FRMD4A: variants seen among roughly 807,000 people sequenced by gnomAD.
FRMD4A encodes FERM domain-containing protein 4A.
FRMD4A carries 29 observed loss-of-function variants against 129.1 expected under a neutral mutation model. The observed-to-expected ratio is 0.22, with a 90% CI of 0.17 to 0.31. The LOEUF is 0.31. Ranked by LOEUF, FRMD4A falls within the 10% of genes least tolerant of loss-of-function variation. FRMD4A has a pLI of 1.00. For missense variants in FRMD4A, 1,272 were observed against 1,375.8 expected (o/e 0.92, Z 1.19); for synonymous variants, 634 against 571.6 (o/e 1.11, Z -1.56).
chr10:14,030,298 T>C (rs950032180), intron 2 of FRMD4A, among the ~76,000 whole-genome samples: 1 of 152,126 alleles, frequency 6.6e-6, no homozygotes, highest in African/African-American at 2.4e-5. Flanking sequence ...AAAAAGAAAA[T>C]GGCAACTATA....
At chr10:13,922,270 T>C (rs552495531) in intron 2 of FRMD4A, among the ~76,000 whole-genome samples, 124 of 149,278 alleles carry the variant, frequency 8.3e-4, no homozygotes, top group African/African-American at 2.9e-3. Flanking sequence ...CATCTGTCTA[T>C]CCCTTACATT....
intron 2 of FRMD4A, among the ~76,000 whole-genome samples, chr10:14,233,157 G>A (rs1589207576): frequency 6.6e-6 from 1 of 152,198 alleles, no homozygotes; most frequent in South Asian, 2.1e-4. Flanking sequence ...CTGACACAGT[G>A]TAAGCAGTCA....
In FRMD4A at chr10:14,042,426, G is replaced by A. The variant is rs529819726; in HGVS notation, c.46-183514C>T. On this transcript the variant is annotated intron_variant, in intron 2 of 24. Transcript: ENST00000357447. ...CCAGACACAGCAGTAAAGTGGACGC[G>A]TCAAGTTATAAATAACGCTGGCTCC... 3.9e-5 allele frequency among the ~76,000 whole-genome samples: 6 copies of A among 152,270 alleles called. No individual in the cohort carries two copies. In the South Asian group the frequency reaches 1.2e-3, roughly 32 times the overall value.
At chr10:13,902,606 G>A (rs551523206) in intron 2 of FRMD4A, among the ~76,000 whole-genome samples, 45 of 152,058 alleles carry the variant, frequency 3.0e-4, no homozygotes, top group Non-Finnish European at 5.1e-4. Context: ...TTGGGAGGCC[G>A]AGGCAGGTGG....
chr10:13,838,736 G>C (rs1039874929), intron 3 of FRMD4A, among the ~76,000 whole-genome samples: 1 of 151,910 alleles, frequency 6.6e-6, no homozygotes, highest in Non-Finnish European at 1.5e-5. Flanking sequence ...CAAGTGATAC[G>C]CCTGCCTCAG....
intron 2 of FRMD4A, among the ~76,000 whole-genome samples, chr10:13,864,797 G>A (rs1261136444): frequency 2.0e-5 from 3 of 151,678 alleles, no homozygotes; most frequent in Admixed American, 6.6e-5. Flanking sequence ...GGCTGGTCTC[G>A]AACTCCTGAC....
At chr10:13,926,777 G>A (rs2131273447) in intron 2 of FRMD4A, among the ~76,000 whole-genome samples, 1 of 152,318 alleles carries the variant, frequency 6.6e-6, no homozygotes, top group Admixed American at 6.5e-5. Context: ...TACACAGAAT[G>A]AACAGAGCCA....
intron 13 of FRMD4A, among the ~76,000 whole-genome samples, chr10:13,702,005 A>C (rs2086877357): frequency 6.6e-6 from 1 of 152,200 alleles, no homozygotes. Flanking sequence ...GGGAGGGTAT[A>C]AAGAATCAGG....
chr10:13,958,447 C>T (rs1276726081), intron 2 of FRMD4A, among the ~76,000 whole-genome samples: 1 of 151,666 alleles, frequency 6.6e-6, no homozygotes, highest in Non-Finnish European at 1.5e-5. Context: ...CCATGCCTGG[C>T]TAATTTTTTG....
intron 2 of FRMD4A, among the ~76,000 whole-genome samples, chr10:13,877,797 C>T (rs1177905697): frequency 2.0e-5 from 3 of 152,184 alleles, no homozygotes; most frequent in Non-Finnish European, 4.4e-5. Context: ...TGGCTGGCTG[C>T]CCCATGAACC....
chr10:13,871,077 C>T (rs767507331), intron 2 of FRMD4A: 3 of 159,310 alleles, frequency 1.9e-5, no homozygotes, highest in Non-Finnish European at 2.9e-5. Flanking sequence ...AATGAAGACC[C>T]CATTATGGGG....
chr10:13,877,002 G>T (rs1055864334), intron 2 of FRMD4A, among the ~76,000 whole-genome samples: 1 of 152,140 alleles, frequency 6.6e-6, no homozygotes, highest in Non-Finnish European at 1.5e-5. Flanking sequence ...TATGTGACAA[G>T]CAGAATCAAT....
chr10:13,701,921 T>C (rs781705571), intron 13 of FRMD4A, among the ~76,000 whole-genome samples: 5 of 152,126 alleles, frequency 3.3e-5, no homozygotes, highest in African/African-American at 7.2e-5. Context: ...TCCCAGGGAA[T>C]TGGGACTTCT....
chr10:14,039,364 G>A (rs1034094445), intron 2 of FRMD4A, among the ~76,000 whole-genome samples: 45 of 108,234 alleles, frequency 4.2e-4, no homozygotes, highest in African/African-American at 1.6e-3. Flanking sequence ...TGATCTGTCC[G>A]TCCGTCCATC....
At chr10:14,082,859 T>A (rs1836009891) in intron 2 of FRMD4A, 2 of 152,314 alleles carry the variant, frequency 1.3e-5, no homozygotes, top group South Asian at 4.1e-4. Context: ...AGCAAATAGA[T>A]TTTACAAGAA....
At chr10:13,800,113 C>T (rs898356724) in intron 4 of FRMD4A, among the ~76,000 whole-genome samples, 3 of 152,094 alleles carry the variant, frequency 2.0e-5, no homozygotes, top group African/African-American at 7.2e-5. Flanking sequence ...ATCCAGGAGG[C>T]AGAGGTTGCA....
At chr10:13,999,175 C>A (rs544204536) in intron 2 of FRMD4A, among the ~76,000 whole-genome samples, 1 of 152,176 alleles carries the variant, frequency 6.6e-6, no homozygotes, top group Admixed American at 6.5e-5. Context: ...CCTGTCCTTC[C>A]TTGAGAGCCA....
At chr10:13,826,379 C>T (rs2093701342) in intron 3 of FRMD4A, among the ~76,000 whole-genome samples, 1 of 152,140 alleles carries the variant, frequency 6.6e-6, no homozygotes, top group Non-Finnish European at 1.5e-5. Context: ...AGCAGCCTTG[C>T]CCTACACAGC....
chr10:13,724,893 C>A (rs966754618), intron 12 of FRMD4A, among the ~76,000 whole-genome samples: 1 of 152,142 alleles, frequency 6.6e-6, no homozygotes, highest in Non-Finnish European at 1.5e-5. Context: ...CACATATCCC[C>A]AAAGACATAT....
Sources: allele counts gnomAD v4.1 joint callset (sites outside exome capture counted in the v4.1 genomes callset), GRCh38; gene constraint gnomAD v4.1.1; transcripts MANE v1.5; gene names NCBI Gene and HGNC (gene_info 2026-07-23, HGNC 2026-07-21).